The following GNB1L variants were observed in gnomAD, a reference collection of about 807,000 sequenced individuals.
GNB1L encodes the protein G protein subunit beta 1 like, also known as guanine nucleotide-binding protein subunit beta-like protein 1.
In GNB1L, 20 loss-of-function variants were observed where a neutral mutation model predicts 29.1. That is an observed-to-expected ratio of 0.69 (90% confidence interval 0.48 to 1.00). The LOEUF (loss-of-function observed/expected upper bound fraction) is 1.00. Among genes scored for constraint, GNB1L ranks in the 50% least tolerant of loss-of-function variants. GNB1L has a pLI of 0.00. For synonymous variants in GNB1L, 193 were observed against 206.5 expected, an observed-to-expected ratio of 0.93 and a Z score of 0.56; for missense variants, 421 against 464.9, an observed-to-expected ratio of 0.91 and a Z score of 0.87.
At chr22:19,846,964 C>G in intron 2 of GNB1L, 1 of 985,530 alleles carries the variant, frequency 1.0e-6, no homozygotes. Context: ...ATCCTCCCAT[C>G]CTCAGCAGCA....
In GNB1L at chr22:19,785,832, G is replaced by C. The variant is rs1937187982; in HGVS notation, c.*2877C>G. 7.0e-6 allele frequency: 1 copy of C among 142,924 alleles called. No individual in the cohort carries two copies. Among genetic ancestry groups the C allele is most frequent in the Admixed American group, 7.1e-5 (1 of 14,134 alleles). 8.9% of individuals were successfully genotyped at this position (142,924 alleles called of 1,614,324 possible). ...TTCCAAGCTGGATGTCTGGAGCTGA[G>C]ACCGTTTCTTCTTCTGTTGTGGGGG... On this transcript the variant is annotated 3_prime_UTR_variant, in exon 8 of 8. Coordinates refer to ENST00000329517, the MANE Select transcript of GNB1L (RefSeq NM_053004.3). This position sits in a 1 kb window ranked among gnomAD's most constrained non-coding sequence, Gnocchi z 4.1.
intron 2 of GNB1L, among the ~76,000 whole-genome samples, chr22:19,827,583 T>C (rs1450575323): frequency 6.6e-6 from 1 of 152,204 alleles, no homozygotes; most frequent in African/African-American, 2.4e-5. Context: ...GTCCAATAAA[T>C]ATATGCAAAG....
chr22:19,840,144 C>T (rs907649500), intron 2 of GNB1L, among the ~76,000 whole-genome samples: 6 of 152,026 alleles, frequency 3.9e-5, no homozygotes, highest in South Asian at 2.1e-4. Flanking sequence ...TTGTACTCAC[C>T]TATTTTCAGA....
intron 2 of GNB1L, among the ~76,000 whole-genome samples, chr22:19,844,152 C>T (rs929459702): frequency 2.0e-5 from 3 of 152,218 alleles, no homozygotes; most frequent in Admixed American, 6.5e-5. Context: ...AGGTCTGTGC[C>T]GCCCCCTTCC....
At position 19,814,475 on chromosome 22, in the gene GNB1L, C is replaced by T. The variant is rs142769182; in HGVS notation, c.255-2028G>A. On this transcript the variant is annotated intron_variant, in intron 4 of 7. Transcript: ENST00000329517. Reference sequence around the variant, plus strand: ...GCTCTCCTCTCCCCAGGAGGTGAAGCTTCCTTTTCTCTTTGCATGTGGACT... The same window carrying T: ...GCTCTCCTCTCCCCAGGAGGTGAAGTTTCCTTTTCTCTTTGCATGTGGACT... 1.4e-3 allele frequency among the ~76,000 whole-genome samples: 219 copies of T among 152,298 alleles called. 1 individual carries two copies. The highest frequency in any genetic ancestry group is 2.9e-3 in the Non-Finnish European group (196 of 68,014).
In GNB1L at chr22:19,802,026, C is replaced by A; in HGVS notation, c.707G>T (p.Ser236Ile). The change falls in exon 7 of 8, where the codon AGC (serine) becomes ATC (isoleucine). Residue 236 changes from serine to isoleucine, a missense_variant. By Grantham distance (142) the Ser-to-Ile change is moderately radical. Transcript: ENST00000329517. ...GSAGKALAVW[S>I]LDWQQALQVR... The stretch of plus-strand genomic sequence containing the variant: ...CTGCAGGGCCTGCTGCCAGTCCAGG[C>A]TCCAGACAGCCAGCGCCTTCCCCGC... The A allele has an allele frequency of 6.3e-7, 1 of 1,599,680 alleles. No individual in the cohort carries two copies.
intron 2 of GNB1L, among the ~76,000 whole-genome samples, chr22:19,825,819 A>G (rs1937615752): frequency 2.1e-5 from 3 of 141,382 alleles, no homozygotes; most frequent in Non-Finnish European, 4.6e-5. Flanking sequence ...TTAGCTGGGC[A>G]TGGTGGTGGG....
chr22:19,822,721 A>T (rs557861757), intron 2 of GNB1L, among the ~76,000 whole-genome samples: 154 of 152,318 alleles, frequency 1.0e-3, no homozygotes, highest in Admixed American at 1.5e-3. Flanking sequence ...GGGCCAGTAA[A>T]GGACCAGGGC....
intron 5 of GNB1L, among the ~76,000 whole-genome samples, chr22:19,809,571 C>T (rs577383101): frequency 6.6e-6 from 1 of 152,198 alleles, no homozygotes; most frequent in African/African-American, 2.4e-5. Flanking sequence ...AAAGAGCACC[C>T]TGTAACACAC....
rs940731769 is a variant in GNB1L, at chr22:19,785,247, A to T, written c.*3462T>A. ...AGACTCCTTCTCTATAAAAAAAAAT[A>T]AAAAATTAGCTGGGCATGATGGCCT... On this transcript the variant is annotated 3_prime_UTR_variant, in exon 8 of 8. Coordinates refer to ENST00000329517, the MANE Select transcript of GNB1L (RefSeq NM_053004.3). This position sits in a 1 kb window ranked among gnomAD's most constrained non-coding sequence, Gnocchi z 4.1. 6.6e-6 allele frequency: 1 copy of T among 152,022 alleles called. No individual in the cohort carries two copies. The highest frequency in any genetic ancestry group is 2.4e-5 in the African/African-American group (1 of 41,348). The allele number at this position is 152,022 out of a possible 1,614,324, so 9.4% of individuals were successfully genotyped here. A position where few individuals can be genotyped will look rare whatever the true frequency, so the allele number is the denominator to read the frequency against.
chr22:19,808,449 C>T (rs1004017851), intron 5 of GNB1L, among the ~76,000 whole-genome samples: 7 of 152,118 alleles, frequency 4.6e-5, no homozygotes, highest in East Asian at 3.9e-4. Context: ...ACCAGGCCTG[C>T]GAGCTCTGGG....
In GNB1L at chr22:19,851,068, C is replaced by T. The variant is rs988948554; in HGVS notation, c.-21+3375G>A. The T allele has an allele frequency of 1.6e-5, 24 of 1,465,198 alleles. No individual in the cohort carries two copies. In the East Asian group the frequency reaches 5.7e-4, roughly 35 times the overall value. 90.8% of individuals were successfully genotyped at this position (1,465,198 alleles called of 1,614,324 possible). On this transcript the variant is annotated intron_variant, in intron 2 of 7. Coordinates refer to ENST00000329517, the MANE Select transcript of GNB1L (RefSeq NM_053004.3). ...GCCCAGCTATGGGGTCTGAAGTCATCTGGGGACACCACTCTGCTCTGACTG... is the reference window on the plus strand; with the variant it reads ...GCCCAGCTATGGGGTCTGAAGTCATTTGGGGACACCACTCTGCTCTGACTG...
chr22:19,845,282 C>T (rs954881858), intron 2 of GNB1L, among the ~76,000 whole-genome samples: 1 of 152,254 alleles, frequency 6.6e-6, no homozygotes, highest in African/African-American at 2.4e-5. Context: ...CGAATGAGGA[C>T]AGAGGCCAGC....
At chr22:19,798,223 G>GT (rs1250939122) in intron 7 of GNB1L, among the ~76,000 whole-genome samples, 3 of 151,292 alleles carry the variant, frequency 2.0e-5, no homozygotes, top group African/African-American at 7.2e-5. Context: ...ATGCTGGCAT[G>GT]TACCTGTCAT....
chr22:19,833,662 G>A (rs915356048), intron 2 of GNB1L, among the ~76,000 whole-genome samples: 5 of 152,050 alleles, frequency 3.3e-5, no homozygotes, highest in African/African-American at 7.2e-5. Flanking sequence ...TCAGGAGTTC[G>A]AGACTAGCCT....
chr22:19,835,542 C>T (rs1020308501), intron 2 of GNB1L, among the ~76,000 whole-genome samples: 8 of 151,994 alleles, frequency 5.3e-5, no homozygotes, highest in African/African-American at 1.2e-4. Context: ...GGCATAGTAG[C>T]GCACGCCTGT....
At chr22:19,789,054 G>A (rs565172609) in intron 7 of GNB1L, 94 bp from the exon 8 acceptor site, 104 of 1,363,888 alleles carry the variant, frequency 7.6e-5, no homozygotes, top group Non-Finnish European at 3.8e-5. Context: ...CAGGAGAGAC[G>A]CAGGCCCACA....
intron 2 of GNB1L, among the ~76,000 whole-genome samples, chr22:19,841,554 A>C (rs538867008): frequency 1.3e-5 from 2 of 152,272 alleles, no homozygotes; most frequent in Middle Eastern, 3.4e-3. Context: ...GGAGGAGAGG[A>C]TCACTTGAGC....
rs1482730328 is a variant in GNB1L, at chr22:19,828,260, G to C, written c.-20-6885C>G. ...CAAACAGAAACAATAAGAAAGTAGG[G>C]GTTGAAATACTAATAGCAGACAAAG... is the stretch of plus-strand genomic sequence containing the variant. On this transcript the variant is annotated intron_variant, in intron 2 of 7. Transcript: ENST00000329517. Among the ~76,000 whole-genome samples, 3 of 152,124 alleles carry C rather than the reference G, an allele frequency of 2.0e-5. No homozygotes were observed. In the East Asian group the frequency reaches 5.8e-4, roughly 29 times the overall value.
Sources: allele counts gnomAD v4.1 joint callset (sites outside exome capture counted in the v4.1 genomes callset), GRCh38; gene constraint gnomAD v4.1.1; non-coding constraint Gnocchi (gnomAD v3.1); transcripts MANE v1.5; gene names NCBI Gene and HGNC (gene_info 2026-07-23, HGNC 2026-07-21).